PRKG1: variants seen among roughly 807,000 people sequenced by gnomAD.
PRKG1 encodes the protein protein kinase cGMP-dependent 1, also known as cGMP-dependent protein kinase 1.
In PRKG1, 35 loss-of-function variants were observed where a neutral mutation model predicts 88.1. The ratio of observed to expected loss-of-function variants is 0.40; its 90% CI spans 0.30 to 0.53. The LOEUF (loss-of-function observed/expected upper bound fraction) is 0.53. Among genes scored for constraint, PRKG1 ranks in the 20% least tolerant of loss-of-function variants. The pLI is 0.59. For synonymous variants in PRKG1, 303 were observed against 292.5 expected, an observed-to-expected ratio of 1.04 and a Z score of -0.37; for missense variants, 540 against 839.8, an observed-to-expected ratio of 0.64 and a Z score of 4.41.
intron 3 of PRKG1, among the ~76,000 whole-genome samples, chr10:51,531,487 C>T (rs2132093817): frequency 6.6e-6 from 1 of 152,058 alleles, no homozygotes; most frequent in African/African-American, 2.4e-5. Flanking sequence ...AAATAGAGAC[C>T]TTCACCCTTT....
At chr10:52,110,011 C>T (rs34389565) in intron 7 of PRKG1, among the ~76,000 whole-genome samples, 25,715 of 151,616 alleles carry the variant, frequency 0.17, 2,652 homozygotes, top group South Asian at 0.28. Context: ...CATGATGTAC[C>T]AGATGCTCAC....
At chr10:51,921,869 T>C (rs898393436) in intron 5 of PRKG1, among the ~76,000 whole-genome samples, 1 of 151,974 alleles carries the variant, frequency 6.6e-6, no homozygotes, top group Admixed American at 6.6e-5. Context: ...CGGTCAGTAG[T>C]TTTTCTTTCT....
chr10:52,112,117 A>G (rs1400337684), intron 7 of PRKG1, among the ~76,000 whole-genome samples: 1 of 152,146 alleles, frequency 6.6e-6, no homozygotes, highest in Non-Finnish European at 1.5e-5. Flanking sequence ...ACTATTTAGA[A>G]TAATCTTCCT....
At chr10:51,635,324 C>T (rs1227075621) in intron 3 of PRKG1, among the ~76,000 whole-genome samples, 1 of 147,570 alleles carries the variant, frequency 6.8e-6, no homozygotes, top group African/African-American at 2.5e-5. Context: ...TATGAAGTTG[C>T]CACAGTATGA....
At chr10:51,936,119 T>G (rs1842795425) in intron 5 of PRKG1, among the ~76,000 whole-genome samples, 1 of 151,994 alleles carries the variant, frequency 6.6e-6, no homozygotes, top group South Asian at 2.1e-4. Flanking sequence ...AAATTTAAAT[T>G]CTGTTTATTC....
intron 2 of PRKG1, among the ~76,000 whole-genome samples, chr10:51,348,267 A>G (rs1455911475): frequency 6.6e-6 from 1 of 152,144 alleles, no homozygotes; most frequent in Non-Finnish European, 1.5e-5. Flanking sequence ...CCTTAAACCG[A>G]TATGTGCAAT....
intron 1 of PRKG1, among the ~76,000 whole-genome samples, chr10:51,050,823 A>G (rs1564581916): frequency 6.6e-6 from 1 of 152,054 alleles, no homozygotes; most frequent in South Asian, 2.1e-4. Flanking sequence ...CTTGTTATCT[A>G]TTTTTTAATA....
At chr10:51,182,199 T>C (rs940084376) in intron 2 of PRKG1, among the ~76,000 whole-genome samples, 1 of 152,242 alleles carries the variant, frequency 6.6e-6, no homozygotes, top group Non-Finnish European at 1.5e-5. Flanking sequence ...TTTTGAGTTA[T>C]GTTTTTGTGT....
intron 2 of PRKG1, among the ~76,000 whole-genome samples, chr10:51,325,460 A>G (rs1458077032): frequency 6.6e-6 from 1 of 152,062 alleles, no homozygotes; most frequent in Non-Finnish European, 1.5e-5. Context: ...CATTCTCCCA[A>G]AGTGTTGGGA....
chr10:52,168,594 C>A (rs1440482388), intron 9 of PRKG1, among the ~76,000 whole-genome samples: 1 of 151,852 alleles, frequency 6.6e-6, no homozygotes, highest in Non-Finnish European at 1.5e-5. Context: ...TAAAACTGGG[C>A]ACTCTTGTCT....
At chr10:51,982,274 G>A (rs1451663364) in intron 5 of PRKG1, among the ~76,000 whole-genome samples, 1 of 152,094 alleles carries the variant, frequency 6.6e-6, no homozygotes, top group Non-Finnish European at 1.5e-5. Flanking sequence ...GCATCTCAAT[G>A]ATGTTCATTC....
At chr10:51,376,252 C>T (rs889326544) in intron 2 of PRKG1, among the ~76,000 whole-genome samples, 1 of 152,046 alleles carries the variant, frequency 6.6e-6, no homozygotes, top group African/African-American at 2.4e-5. Flanking sequence ...TGAAATCATC[C>T]CAAAGCTTAA....
At chr10:51,564,090 T>A (rs1184597145) in intron 3 of PRKG1, among the ~76,000 whole-genome samples, 1 of 152,120 alleles carries the variant, frequency 6.6e-6, no homozygotes, top group Admixed American at 6.6e-5. Flanking sequence ...TATTTTTAAT[T>A]ATATTCTGTT....
intron 3 of PRKG1, among the ~76,000 whole-genome samples, chr10:51,677,830 T>C (rs1840748919): frequency 6.6e-6 from 1 of 152,150 alleles, no homozygotes; most frequent in Non-Finnish European, 1.5e-5. Context: ...AACAAATCCC[T>C]GGTTTGCGCA....
chr10:51,458,446 C>A lies in PRKG1; in HGVS notation c.479-9277C>A, dbSNP rs570226341. On this transcript the variant is annotated intron_variant, in intron 2 of 17. Transcript: ENST00000373980. ...ATTTAATAACCCTTTTTTTTTTTTA[C>A]AACCAGATATGGTATGAATTAAATA... is the stretch of plus-strand genomic sequence containing the variant. 2.0e-5 allele frequency among the ~76,000 whole-genome samples: 3 copies of A among 148,806 alleles called. No individual in the cohort carries two copies. The East Asian group carries it at 5.8e-4, about 29-fold the overall frequency.
At chr10:51,554,427 T>C (rs1355486666) in intron 3 of PRKG1, among the ~76,000 whole-genome samples, 3 of 147,670 alleles carry the variant, frequency 2.0e-5, no homozygotes, top group African/African-American at 7.5e-5. Flanking sequence ...TTATCGTGTG[T>C]GTGTGTGTGT....
intron 3 of PRKG1, among the ~76,000 whole-genome samples, chr10:51,507,790 T>C (rs1055042907): frequency 1.2e-4 from 19 of 152,122 alleles, no homozygotes; most frequent in African/African-American, 4.1e-4. Context: ...CTAGAGCTCT[T>C]TCAATTACAC....
intron 4 of PRKG1, among the ~76,000 whole-genome samples, chr10:51,859,900 A>T (rs141999518): frequency 6.6e-6 from 1 of 152,152 alleles, no homozygotes; most frequent in East Asian, 1.9e-4. Flanking sequence ...AGCTCCTTAG[A>T]TCAGGGATAT....
chr10:51,227,145 AAT>A (rs1027117775), intron 2 of PRKG1, among the ~76,000 whole-genome samples: 1 of 149,834 alleles, frequency 6.7e-6, no homozygotes, highest in African/African-American at 2.4e-5. Flanking sequence ...ATATATTATA[AAT>A]ATATATGTTT....
Sources: gnomAD v4.1 joint callset for allele counts (sites outside exome capture counted in the v4.1 genomes callset) on GRCh38, gnomAD v4.1.1 for gene constraint, MANE v1.5 for transcripts, NCBI Gene and HGNC (gene_info 2026-07-23, HGNC 2026-07-21) for gene names.